SERINC5: variants seen among roughly 807,000 people sequenced by gnomAD.
The protein encoded by SERINC5 is chromosome 5 open reading frame 12.
A neutral mutation model predicts 63.1 loss-of-function variants in SERINC5; 41 were observed. The observed-to-expected ratio is 0.65, with a 90% CI of 0.51 to 0.84. The LOEUF is 0.84. Among genes scored for constraint, SERINC5 ranks in the 40% least tolerant of loss-of-function variants. The pLI, the probability that SERINC5 is intolerant of heterozygous loss-of-function variation, is 0.00. For synonymous variants in SERINC5, 222 were observed against 215.2 expected (o/e 1.03, Z -0.28); for missense variants, 523 against 573.0 (o/e 0.91, Z 0.89).
In SERINC5 at chr5:80,177,999, T is replaced by C. The variant is rs111842668; in HGVS notation, c.261A>G (p.Gly87=). The part of the protein sequence containing the change: ...KAGDTCEKLV[G]YSAVYRVCFG... ...AACAGACTCTATACACGGCAGAATATCCCACCAGCTTCTCACAGGTGTCAC... is the reference window on the plus strand; with the variant it reads ...AACAGACTCTATACACGGCAGAATACCCCACCAGCTTCTCACAGGTGTCAC... The change falls in exon 3 of 12, where the codon GGA becomes GGG. Residue 87 remains glycine (G), a synonymous_variant. Transcript: ENST00000507668. 2.5e-6 allele frequency: 4 copies of C among 1,612,702 alleles called. No individual in the cohort carries two copies. In the Admixed American group the frequency reaches 5.0e-5, roughly 20 times the overall value.
chr5:80,233,382 G>A (rs957325962), intron 1 of SERINC5, among the ~76,000 whole-genome samples: 5 of 151,910 alleles, frequency 3.3e-5, no homozygotes, highest in South Asian at 2.1e-4. Context: ...AGCTGAGATC[G>A]CACCATTGCA....
In SERINC5 at chr5:80,171,562, G is replaced by A. The variant is rs535298522; in HGVS notation, c.552-2016C>T. On this transcript the variant is annotated intron_variant, in intron 5 of 11. Coordinates refer to ENST00000507668, the MANE Select transcript of SERINC5 (RefSeq NM_001174072.3). ...AGTTAAATAGATAGGAATAAATTCTGGTGATCAACTGTATGGTAGGGTGAT... is the reference window on the plus strand; with the variant it reads ...AGTTAAATAGATAGGAATAAATTCTAGTGATCAACTGTATGGTAGGGTGAT... Among the ~76,000 whole-genome samples the A allele has an allele frequency of 2.0e-5, 3 of 152,180 alleles. No homozygotes were observed. In the East Asian group the frequency reaches 5.8e-4, roughly 29 times the overall value.
At chr5:80,121,494 C>T (rs774322429) in intron 11 of SERINC5, among the ~76,000 whole-genome samples, 10 of 152,270 alleles carry the variant, frequency 6.6e-5, no homozygotes, top group South Asian at 6.2e-4. Context: ...ATGACCCAAA[C>T]GCCAGGCCCC....
chr5:80,112,975 GA>G (rs1211025654), intron 12 of SERINC5, among the ~76,000 whole-genome samples: 1 of 151,916 alleles, frequency 6.6e-6, no homozygotes, highest in African/African-American at 2.4e-5. Context: ...AAAATAGTAT[GA>G]TTTTTTTAAT....
Position 80,241,124 on chromosome 5 carries a change from C to T in SERINC5, c.27+14772G>A, listed in dbSNP as rs566435669. On this transcript the variant is annotated intron_variant, in intron 1 of 11. Transcript: ENST00000507668. ...ATCACTAATGATAAAAGTTTTGATG[C>T]TTCTCCCTTTTTCAAGGTGCTACAT... 3.9e-5 allele frequency among the ~76,000 whole-genome samples: 6 copies of T among 152,188 alleles called. No individual in the cohort carries two copies. In the East Asian group the frequency reaches 1.2e-3, roughly 29 times the overall value.
In SERINC5 at chr5:80,183,524, C is replaced by T. The variant is rs184270540; in HGVS notation, c.196-5460G>A. Among the ~76,000 whole-genome samples the T allele has an allele frequency of 9.9e-5, 15 of 152,264 alleles. No individual in the cohort carries two copies. In the East Asian group the frequency reaches 1.2e-3, roughly 12 times the overall value. The stretch of plus-strand genomic sequence containing the variant: ...GTATCCCCTGTGACTTGCACGTATA[C>T]GCCCAGATGGCCTGAAGTAACTGAA... On this transcript the variant is annotated intron_variant, in intron 2 of 11. Coordinates refer to ENST00000507668, the MANE Select transcript of SERINC5 (RefSeq NM_001174072.3).
At chr5:80,241,909 A>G (rs576756242) in intron 1 of SERINC5, among the ~76,000 whole-genome samples, 1 of 151,390 alleles carries the variant, frequency 6.6e-6, no homozygotes, top group East Asian at 2.0e-4. Context: ...GATCACTTGG[A>G]GCCCAGGAGT....
chr5:80,249,662 C>T (rs1228069668), intron 1 of SERINC5, among the ~76,000 whole-genome samples: 4 of 151,884 alleles, frequency 2.6e-5, no homozygotes, highest in South Asian at 2.1e-4. Context: ...ATTAGCTGGG[C>T]GTGGTGGCGG....
chr5:80,170,095 A>C (rs1274615620), intron 5 of SERINC5, among the ~76,000 whole-genome samples: 1 of 152,152 alleles, frequency 6.6e-6, no homozygotes, highest in Non-Finnish European at 1.5e-5. Flanking sequence ...TATACAAGAG[A>C]TATGATCAAC....
chr5:80,131,772 G>A (rs1214573321), intron 11 of SERINC5, among the ~76,000 whole-genome samples: 1 of 152,180 alleles, frequency 6.6e-6, no homozygotes, highest in African/African-American at 2.4e-5. Flanking sequence ...ATAGTCTTTT[G>A]CAATGTGATC....
Position 80,178,451 on chromosome 5 carries a change from C to T in SERINC5, c.196-387G>A, listed in dbSNP as rs1214741455. Among the ~76,000 whole-genome samples, 3 of 145,874 alleles carry T rather than the reference C, an allele frequency of 2.1e-5. No individual in the cohort carries two copies. In the East Asian group the frequency reaches 6.2e-4, roughly 30 times the overall value. On this transcript the variant is annotated intron_variant, in intron 2 of 11. Coordinates refer to ENST00000507668, the MANE Select transcript of SERINC5 (RefSeq NM_001174072.3). ...AATCACAACTCACTGCAGCCTCGATCTTCCAGGCTCAGGTAATCTTCCTGC... is the reference window on the plus strand; with the variant it reads ...AATCACAACTCACTGCAGCCTCGATTTTCCAGGCTCAGGTAATCTTCCTGC...
chr5:80,177,528 G>A (rs1390102273), intron 3 of SERINC5, 131 bp from the exon 4 acceptor site: 1 of 725,118 alleles, frequency 1.4e-6, no homozygotes. Context: ...TAATCAAGGG[G>A]AAGTAACTAG....
intron 2 of SERINC5, among the ~76,000 whole-genome samples, chr5:80,186,420 G>A (rs1748813325): frequency 6.6e-6 from 1 of 152,148 alleles, no homozygotes; most frequent in Admixed American, 6.5e-5. Flanking sequence ...TTACAGGCGT[G>A]AGCCACCGCG....
intron 1 of SERINC5, among the ~76,000 whole-genome samples, chr5:80,210,116 G>A (rs996304628): frequency 3.3e-5 from 5 of 152,164 alleles, no homozygotes; most frequent in Admixed American, 6.5e-5. Flanking sequence ...ATTTGCAAAT[G>A]TGGTATTGCT....
At chr5:80,206,962 C>T (rs751903953) in intron 1 of SERINC5, among the ~76,000 whole-genome samples, 1 of 151,700 alleles carries the variant, frequency 6.6e-6, no homozygotes. Flanking sequence ...GTTGCTAACT[C>T]TCTGTTACCC....
intron 11 of SERINC5, among the ~76,000 whole-genome samples, chr5:80,117,464 G>A (rs1376992668): frequency 6.6e-6 from 1 of 151,920 alleles, no homozygotes; most frequent in African/African-American, 2.4e-5. Flanking sequence ...AAGAGAAAAG[G>A]ACACATACTA....
intron 8 of SERINC5, chr5:80,158,279 C>T (rs1333403355): frequency 1.3e-5 from 2 of 152,822 alleles, no homozygotes; most frequent in African/African-American, 4.8e-5. Flanking sequence ...ATCACATCTA[C>T]TTTTGGAGGA....
At chr5:80,248,260 C>A (rs1413060850) in intron 1 of SERINC5, among the ~76,000 whole-genome samples, 4 of 152,170 alleles carry the variant, frequency 2.6e-5, no homozygotes, top group African/African-American at 9.7e-5. Flanking sequence ...TACTCTTGCG[C>A]TTTGGGGCCA....
chr5:80,189,987 T>C (rs1749080186), intron 2 of SERINC5, among the ~76,000 whole-genome samples: 2 of 152,096 alleles, frequency 1.3e-5, no homozygotes. Context: ...GCTGGGATTA[T>C]AGGTGGGAGC....
Sources: gnomAD v4.1 joint callset for allele counts (sites outside exome capture counted in the v4.1 genomes callset) on GRCh38, gnomAD v4.1.1 for gene constraint, MANE v1.5 for transcripts, NCBI Gene and HGNC (gene_info 2026-07-23, HGNC 2026-07-21) for gene names.